NUDT9: variants seen among roughly 807,000 people sequenced by gnomAD.
NUDT9 encodes nudix hydrolase 9, also known as ADP-ribose pyrophosphatase.
NUDT9 carries 31 observed loss-of-function variants against 41.0 expected under a neutral mutation model. That is an observed-to-expected ratio of 0.76 (90% confidence interval 0.57 to 1.02). The LOEUF is 1.02. NUDT9 is among the 50% of genes least tolerant of loss of function. The pLI is 0.00. For missense variants in NUDT9, 380 were observed against 431.4 expected, an observed-to-expected ratio of 0.88 and a Z score of 1.06; for synonymous variants, 146 against 147.6, an observed-to-expected ratio of 0.99 and a Z score of 0.08.
intron 4 of NUDT9, among the ~76,000 whole-genome samples, chr4:87,444,812 C>G (rs536036682): frequency 6.6e-6 from 1 of 152,190 alleles, no homozygotes; most frequent in African/African-American, 2.4e-5. Context: ...GATAAGAGAA[C>G]TGAAGGCTTA....
rs181490701 is a variant in NUDT9 at position 87,449,300 on chromosome 4, T to C, written c.642+47T>C. ...GTGTTTAAGTTCCTTTTAGTTGCTT[T>C]ACTTACTACAGGGTTATTGTTTGTG... On this transcript the variant is annotated intron_variant, in intron 5 of 7. Transcript: ENST00000302174. The C allele has an allele frequency of 6.3e-4, 610 of 970,934 alleles. 1 individual carries two copies. The highest frequency in any genetic ancestry group is 2.9e-3 in the African/African-American group (178 of 62,360). 60.1% of individuals were successfully genotyped at this position (970,934 alleles called of 1,614,324 possible).
At chr4:87,423,275 A>G (rs960167249) in intron 1 of NUDT9, among the ~76,000 whole-genome samples, 2 of 152,172 alleles carry the variant, frequency 1.3e-5, no homozygotes, top group Non-Finnish European at 2.9e-5. Flanking sequence ...TTAAATAGCA[A>G]TTGTTTGGGG....
rs1721867799 is a variant in NUDT9, at chr4:87,435,105, A to G, written c.232A>G (p.Ser78Gly). 1 of 1,614,110 alleles carries G rather than the reference A, an allele frequency of 6.2e-7. No individual in the cohort carries two copies. Among genetic ancestry groups the G allele is most frequent in the Non-Finnish European group, 8.5e-7 (1 of 1,180,052 alleles). Residue 78 changes from serine to glycine, a missense_variant, in exon 2 of 8, where the codon AGC (serine) becomes GGC (glycine). Physicochemically the swap from Ser to Gly is moderately conservative, Grantham distance 56. Coordinates refer to ENST00000302174, the MANE Select transcript of NUDT9 (RefSeq NM_024047.5). The stretch of plus-strand genomic sequence containing the variant: ...TTACCCAGGTTCAAAAGTTGAACGA[A>G]GCCAGGTTCCTAATGAGAAAGTGGG... ...SPYPGSKVER[S>G]QVPNEKVGWL...
intron 6 of NUDT9, 85 bp from the exon 7 acceptor site, chr4:87,454,286 A>AT: frequency 1.4e-6 from 1 of 736,954 alleles, no homozygotes; most frequent in South Asian, 1.5e-5. Flanking sequence ...GGATATTTAC[A>AT]TTTCTGATGC....
chr4:87,435,134 G>A lies in NUDT9; in HGVS notation c.261G>A (p.Trp87Ter). 1 of 1,614,214 alleles carries A rather than the reference G, an allele frequency of 6.2e-7. No homozygotes were observed. The highest frequency in any genetic ancestry group is 8.5e-7 in the Non-Finnish European group (1 of 1,180,038). ...AGGTTCCTAATGAGAAAGTGGGCTG[G>A]CTTGTTGAGTGGCAAGACTATAAGC... ...RSQVPNEKVG[W>*]LVEWQDYKPV... The change falls in exon 2 of 8, where the codon TGG (tryptophan) becomes TGA (stop). Residue 87 changes from tryptophan (W) to a stop codon, truncating the protein, a stop_gained. Coordinates refer to ENST00000302174, the MANE Select transcript of NUDT9 (RefSeq NM_024047.5). LOFTEE classifies it high-confidence loss of function.
At chr4:87,443,623 T>C (rs1448245426) in intron 4 of NUDT9, among the ~76,000 whole-genome samples, 1 of 152,118 alleles carries the variant, frequency 6.6e-6, no homozygotes, top group Non-Finnish European at 1.5e-5. Context: ...GATTAGAAGA[T>C]TGGATGTGGG....
At chr4:87,427,311 T>A (rs778936172) in intron 1 of NUDT9, among the ~76,000 whole-genome samples, 4 of 152,180 alleles carry the variant, frequency 2.6e-5, no homozygotes, top group Non-Finnish European at 5.9e-5. Context: ...TTTTAAAAGT[T>A]TGCCAGTCTT....
At chr4:87,444,118 A>C (rs905967897) in intron 4 of NUDT9, among the ~76,000 whole-genome samples, 1 of 151,942 alleles carries the variant, frequency 6.6e-6, no homozygotes, top group Non-Finnish European at 1.5e-5. Flanking sequence ...TACTTTTAGA[A>C]TTTCTTTGCT....
In NUDT9 at chr4:87,430,150, T is replaced by C. The variant is rs527629836; in HGVS notation, c.108-4831T>C. Among the ~76,000 whole-genome samples the C allele has an allele frequency of 5.3e-5, 8 of 152,322 alleles. No individual in the cohort carries two copies. In the East Asian group the frequency reaches 1.5e-3, roughly 29 times the overall value. On this transcript the variant is annotated intron_variant, in intron 1 of 7. Transcript: ENST00000302174. ...ATACATGGTCAGAGAGATTTCTATG[T>C]TGCTGGCTTTGAAGATGATGGAAGG...
rs538157068 is a variant in NUDT9, at chr4:87,458,091, T to A, written c.*70T>A. 2.8e-4 allele frequency: 397 copies of A among 1,398,296 alleles called. No individual in the cohort carries two copies. Among genetic ancestry groups the A allele is most frequent in the Admixed American group, 7.2e-4 (26 of 35,880 alleles). 86.6% of individuals were successfully genotyped at this position (1,398,296 alleles called of 1,614,324 possible). ...CTGAAAAGAAGGCAGTATCACAGAA[T>A]TTATACTATAAAAAGGGCAGGGTAG... On this transcript the variant is annotated 3_prime_UTR_variant, in exon 8 of 8. Transcript: ENST00000302174.
chr4:87,440,961 A>G (rs903965722), intron 3 of NUDT9, among the ~76,000 whole-genome samples: 6 of 152,088 alleles, frequency 3.9e-5, no homozygotes, highest in South Asian at 4.1e-4. Flanking sequence ...TTCTGTTGCT[A>G]TTTGCAAGTC....
chr4:87,457,069 T>TCTGG (rs1259891000), intron 7 of NUDT9, among the ~76,000 whole-genome samples: 1 of 152,178 alleles, frequency 6.6e-6, no homozygotes, highest in East Asian at 1.9e-4. Context: ...CCTAGTACAG[T>TCTGG]CTGGCACACA....
chr4:87,448,034 TAAA>T (rs200685072), intron 4 of NUDT9, among the ~76,000 whole-genome samples: 1 of 134,502 alleles, frequency 7.4e-6, no homozygotes, highest in African/African-American at 2.7e-5. Context: ...CCTGTCTTTT[TAAA>T]AAAAAAAAAA....
chr4:87,442,260 A>G (rs922017312), intron 4 of NUDT9, among the ~76,000 whole-genome samples: 1 of 152,226 alleles, frequency 6.6e-6, no homozygotes, highest in African/African-American at 2.4e-5. Flanking sequence ...TGAATACTAT[A>G]GGCAACTGTA....
chr4:87,437,805 C>G (rs1722021202), intron 2 of NUDT9, among the ~76,000 whole-genome samples: 3 of 152,082 alleles, frequency 2.0e-5, no homozygotes, highest in Admixed American at 2.0e-4. Flanking sequence ...GGGGCAAATT[C>G]ACTGCTTTGT....
Position 87,430,424 on chromosome 4 carries a change from A to G in NUDT9, c.108-4557A>G, listed in dbSNP as rs187326179. 1.3e-3 allele frequency among the ~76,000 whole-genome samples: 195 copies of G among 152,344 alleles called. 1 individual carries two copies. Among genetic ancestry groups the G allele is most frequent in the Admixed American group, 5.2e-3 (80 of 15,308 alleles). Reference sequence around the variant, plus strand: ...TCAGTAGAAAACTAATACATTATATACATGCACTGAAATGTGCTTATTTAT... The same window carrying G: ...TCAGTAGAAAACTAATACATTATATGCATGCACTGAAATGTGCTTATTTAT... On this transcript the variant is annotated intron_variant, in intron 1 of 7. Coordinates refer to ENST00000302174, the MANE Select transcript of NUDT9 (RefSeq NM_024047.5).
Position 87,458,080 on chromosome 4 carries a change from G to A in NUDT9, c.*59G>A. 2.1e-6 allele frequency: 3 copies of A among 1,421,286 alleles called. No homozygotes were observed. The South Asian group carries it at 5.2e-5, about 24-fold the overall frequency. 88.0% of individuals were successfully genotyped at this position (1,421,286 alleles called of 1,614,324 possible). ...AGGAGCATATACTGAAAAGAAGGCAGTATCACAGAATTTATACTATAAAAA... is the reference window on the plus strand; with the variant it reads ...AGGAGCATATACTGAAAAGAAGGCAATATCACAGAATTTATACTATAAAAA... On this transcript the variant is annotated 3_prime_UTR_variant, in exon 8 of 8. Coordinates refer to ENST00000302174, the MANE Select transcript of NUDT9 (RefSeq NM_024047.5).
intron 7 of NUDT9, among the ~76,000 whole-genome samples, chr4:87,457,489 A>G (rs1396940269): frequency 1.3e-5 from 2 of 152,060 alleles, no homozygotes; most frequent in African/African-American, 2.4e-5. Flanking sequence ...TACCCGCCTC[A>G]GCTTTGTTTA....
At chr4:87,429,283 C>T (rs557908729) in intron 1 of NUDT9, among the ~76,000 whole-genome samples, 19 of 152,108 alleles carry the variant, frequency 1.2e-4, no homozygotes, top group South Asian at 8.3e-4. Flanking sequence ...TCCTGAGTAG[C>T]GGCAACTACA....
Sources: gnomAD v4.1 joint callset for allele counts (sites outside exome capture counted in the v4.1 genomes callset) on GRCh38, gnomAD v4.1.1 for gene constraint, MANE v1.5 for transcripts, NCBI Gene and HGNC (gene_info 2026-07-23, HGNC 2026-07-21) for gene names.